Variants in GIGYF2 observed in about 807,000 individuals in gnomAD.
GIGYF2 encodes GRB10 interacting GYF protein 2, also known as GRB10-interacting GYF protein 2.
In GIGYF2, 25 loss-of-function variants were observed where a neutral mutation model predicts 208.1. The observed-to-expected ratio is 0.12, with a 90% confidence interval of 0.09 to 0.17. The LOEUF (loss-of-function observed/expected upper bound fraction) is 0.17. Among genes scored for constraint, GIGYF2 ranks in the 10% least tolerant of loss-of-function variants. GIGYF2 has a pLI of 1.00. For missense variants in GIGYF2, 1,302 were observed against 1,579.4 expected (o/e 0.82, Z 2.98); for synonymous variants, 534 against 543.8 (o/e 0.98, Z 0.25).
intron 22 of GIGYF2, among the ~76,000 whole-genome samples, chr2:232,833,932 A>G (rs2106410168): frequency 6.6e-6 from 1 of 151,550 alleles, no homozygotes; most frequent in South Asian, 2.1e-4. Context: ...CCTAGTAAAG[A>G]GGCTGTGTTG....
rs1216982274 is a variant in GIGYF2 at position 232,844,270 on chromosome 2, C to A, written c.3099+15C>A. On this transcript the variant is annotated intron_variant, in intron 24 of 28. Coordinates refer to ENST00000373563, the MANE Select transcript of GIGYF2 (RefSeq NM_001103146.3). ...GTAACAATACGGTGTGTGCATTTTC[C>A]TAAGCTGTCGTTGTATGGACTAGTA... 4 of 1,598,684 alleles carry A rather than the reference C, an allele frequency of 2.5e-6. No individual in the cohort carries two copies. In the Admixed American group the frequency reaches 5.2e-5, roughly 21 times the overall value.
chr2:232,845,838 T>C lies in GIGYF2; in HGVS notation c.3412T>C (p.Trp1138Arg). The part of the protein sequence containing the change: ...VNKAQDGFTQ[W>R]CEQMLHALNT... ...TAAAGCCCAAGATGGATTTACGCAG[T>C]GGTGTGAACAGATGCTTCATGCCCT... The change falls in exon 26 of 29, where the codon TGG (tryptophan) becomes CGG (arginine). Residue 1138 changes from tryptophan to arginine, a missense_variant. Coordinates refer to ENST00000373563, the MANE Select transcript of GIGYF2 (RefSeq NM_001103146.3). 1 of 1,613,666 alleles carries C rather than the reference T, an allele frequency of 6.2e-7. No homozygotes were observed. The highest frequency in any genetic ancestry group is 1.1e-5 in the South Asian group (1 of 91,068).
At chr2:232,769,161 C>G (rs571579122) in intron 8 of GIGYF2, among the ~76,000 whole-genome samples, 1 of 152,260 alleles carries the variant, frequency 6.6e-6, no homozygotes, top group African/African-American at 2.4e-5. Flanking sequence ...TGCAACTTGG[C>G]TACAGCCAGA....
intron 22 of GIGYF2, among the ~76,000 whole-genome samples, chr2:232,834,005 G>T (rs1045337079): frequency 6.6e-5 from 10 of 152,104 alleles, no homozygotes; most frequent in Middle Eastern, 3.4e-3. Flanking sequence ...CAGTCAGCAA[G>T]AATTAATTAG....
At chr2:232,826,055 T>TAGTA in intron 21 of GIGYF2, among the ~76,000 whole-genome samples, 1 of 152,302 alleles carries the variant, frequency 6.6e-6, no homozygotes, top group Admixed American at 6.5e-5. Context: ...TATGGCTGCA[T>TAGTA]AGTATTCCAT....
intron 23 of GIGYF2, 23 bp from the exon 24 acceptor site, chr2:232,844,023 T>C: frequency 1.2e-6 from 2 of 1,608,544 alleles, no homozygotes; most frequent in Non-Finnish European, 1.7e-6. Context: ...AATCCTCAGC[T>C]AGCTTCTGTT....
intron 28 of GIGYF2, among the ~76,000 whole-genome samples, chr2:232,851,461 T>A (rs1199539640): frequency 6.6e-6 from 1 of 152,062 alleles, no homozygotes; most frequent in East Asian, 1.9e-4. Flanking sequence ...TCACTCTTGC[T>A]CAGGCTGGAG....
intron 6 of GIGYF2, among the ~76,000 whole-genome samples, chr2:232,756,650 A>T (rs1200217044): frequency 6.6e-6 from 1 of 152,172 alleles, no homozygotes; most frequent in Non-Finnish European, 1.5e-5. Context: ...CGACTCCTGA[A>T]GTGTCTTAAC....
Position 232,796,119 on chromosome 2 carries a change from G to A in GIGYF2, c.1537G>A (p.Ala513Thr), listed in dbSNP as rs200055902. ...CAGTGCACTAGATGATGAAAGATTGGCATCAAAACTGCAAGAGCACAGAGC... is the reference window on the plus strand; with the variant it reads ...CAGTGCACTAGATGATGAAAGATTGACATCAAAACTGCAAGAGCACAGAGC... The part of the protein sequence containing the change: ...QDSALDDERL[A>T]SKLQEHRAKG... The change falls in exon 14 of 29, where the codon GCA becomes ACA. Residue 513 changes from alanine (A) to threonine (T), a missense_variant. This residue lies in a region of GIGYF2 where 69 missense variants were observed against 132.8 expected (regional missense o/e 0.52). Coordinates refer to ENST00000373563, the MANE Select transcript of GIGYF2 (RefSeq NM_001103146.3). 4 of 1,604,686 alleles carry A rather than the reference G, an allele frequency of 2.5e-6. No individual in the cohort carries two copies. The highest frequency in any genetic ancestry group is 3.3e-5 in the Admixed American group (2 of 59,990).
Position 232,754,201 on chromosome 2 carries a change from CA to C in GIGYF2, c.268-2021del, listed in dbSNP as rs1160122891. ...AAAAAAAAAAGAAATAGAGTTGTTT[CA>C]TTTTTTTTTTAATCAGCAGTACAGA... On this transcript the variant is annotated intron_variant, in intron 5 of 28. Coordinates refer to ENST00000373563, the MANE Select transcript of GIGYF2 (RefSeq NM_001103146.3). Among the ~76,000 whole-genome samples the C allele has an allele frequency of 2.3e-5, 3 of 130,586 alleles. No individual in the cohort carries two copies. The East Asian group carries it at 6.8e-4, about 30-fold the overall frequency. The allele number at this position is 130,586 out of a possible 152,430, so 85.7% of individuals were successfully genotyped here. A position where few individuals can be genotyped will look rare whatever the true frequency, so the allele number is the denominator to read the frequency against.
chr2:232,748,007 CCT>C (rs563163481), intron 4 of GIGYF2, among the ~76,000 whole-genome samples: 6 of 152,170 alleles, frequency 3.9e-5, no homozygotes, highest in Non-Finnish European at 5.9e-5. Context: ...TCTTAACCCC[CCT>C]TTCATGTCTA....
At chr2:232,819,803 C>T (rs758213256) in intron 20 of GIGYF2, 24 bp from the exon 21 acceptor site, 5 of 351,452 alleles carry the variant, frequency 1.4e-5, no homozygotes, top group Admixed American at 3.4e-5. Flanking sequence ...CCCCCACCCC[C>T]CACCCTCCAT....
intron 5 of GIGYF2, among the ~76,000 whole-genome samples, chr2:232,754,384 G>A (rs1180855465): frequency 6.6e-6 from 1 of 152,078 alleles, no homozygotes; most frequent in Non-Finnish European, 1.5e-5. Flanking sequence ...GTGTCAAAGG[G>A]GATGGGCATT....
chr2:232,770,594 TA>T (rs1379797997), intron 8 of GIGYF2, among the ~76,000 whole-genome samples: 1 of 125,670 alleles, frequency 8.0e-6, no homozygotes, highest in Non-Finnish European at 1.7e-5. Flanking sequence ...AACCTCCTTT[TA>T]AACCTTTTGT....
At position 232,752,469 on chromosome 2, in the gene GIGYF2, A is replaced by G. The variant is rs191053354; in HGVS notation, c.267+3387A>G. The stretch of plus-strand genomic sequence containing the variant: ...ATCAAATATAGTGAGAAAAAAATGC[A>G]TTACACCTGCAATTTAGGTAGCTGT... On this transcript the variant is annotated intron_variant, in intron 5 of 28. Coordinates refer to ENST00000373563, the MANE Select transcript of GIGYF2 (RefSeq NM_001103146.3). Among the ~76,000 whole-genome samples the G allele has an allele frequency of 1.3e-4, 20 of 152,316 alleles. No individual in the cohort carries two copies. In the East Asian group the frequency reaches 2.9e-3, roughly 22 times the overall value.
At chr2:232,777,024 C>G (rs1396898270) in intron 8 of GIGYF2, among the ~76,000 whole-genome samples, 1 of 151,692 alleles carries the variant, frequency 6.6e-6, no homozygotes, top group African/African-American at 2.4e-5. Context: ...GTTTTCTTCT[C>G]ATGTCTCATC....
intron 14 of GIGYF2, among the ~76,000 whole-genome samples, chr2:232,796,810 A>G (rs1700235735): frequency 6.6e-6 from 1 of 152,206 alleles, no homozygotes; most frequent in African/African-American, 2.4e-5. Context: ...CAGTGACCCA[A>G]GATCATGCCA....
At position 232,791,017 on chromosome 2, in the gene GIGYF2, A is replaced by AAAGAGCCTATTCCAG; in HGVS notation, c.947_961dup (p.Pro316_Glu320dup). The stretch of plus-strand genomic sequence containing the variant: ...TATTCTCTTTCTACAGAAAGTACAG[A>AAAGAGCCTATTCCAG]AAGAGCCTATTCCAGAAGAGCAGGA... On this transcript the variant is annotated inframe_insertion, in exon 11 of 29. Transcript: ENST00000373563. 2 of 1,614,080 alleles carry AAAGAGCCTATTCCAG rather than the reference A, an allele frequency of 1.2e-6. No homozygotes were observed. Among genetic ancestry groups the AAAGAGCCTATTCCAG allele is most frequent in the Non-Finnish European group, 1.7e-6 (2 of 1,179,984 alleles).
rs552993352 is a variant in GIGYF2, at chr2:232,784,677, A to G, written c.533-2473A>G. ...CAGGTGTGAGCCACCGCGCCTGGCC[A>G]CAAAATAATTTATAAAAGCTGCAAT... is the stretch of plus-strand genomic sequence containing the variant. On this transcript the variant is annotated intron_variant, in intron 8 of 28. Transcript: ENST00000373563. Among the ~76,000 whole-genome samples, 22 of 152,260 alleles carry G rather than the reference A, an allele frequency of 1.4e-4. No individual in the cohort carries two copies. The East Asian group carries it at 3.3e-3, about 23-fold the overall frequency.
Sources: gnomAD v4.1 joint callset for allele counts (sites outside exome capture counted in the v4.1 genomes callset) on GRCh38, gnomAD v4.1.1 for gene constraint, gnomAD v4.1.1 regional missense constraint, MANE v1.5 for transcripts, NCBI Gene and HGNC (gene_info 2026-07-23, HGNC 2026-07-21) for gene names.